Variants in RAI14 observed in about 807,000 individuals in gnomAD.
The protein encoded by RAI14 is ankycorbin.
A neutral mutation model predicts 115.4 loss-of-function variants in RAI14; 45 were observed. That is an observed-to-expected ratio of 0.39 (90% CI 0.31 to 0.50). The LOEUF (loss-of-function observed/expected upper bound fraction) is 0.50, where lower values mean the gene tolerates loss of function less well. Among genes scored for constraint, RAI14 ranks in the 20% least tolerant of loss-of-function variants. The probability of loss-of-function intolerance (pLI) is 0.85; values close to 1 mark genes in which losing one functional copy is unlikely to be tolerated. For missense variants in RAI14, 939 were observed against 1,131.2 expected (o/e 0.83, Z 2.44); for synonymous variants, 371 against 415.4 (o/e 0.89, Z 1.30).
chr5:34,682,982 T>C (rs1744496930), intron 1 of RAI14, among the ~76,000 whole-genome samples: 1 of 152,174 alleles, frequency 6.6e-6, no homozygotes, highest in South Asian at 2.1e-4. Context: ...AGTTTGGGAT[T>C]GAAAATGAGA....
chr5:34,775,236 A>C (rs966741783), intron 3 of RAI14, among the ~76,000 whole-genome samples: 1 of 152,206 alleles, frequency 6.6e-6, no homozygotes, highest in South Asian at 2.1e-4. Flanking sequence ...TGACAAGCAC[A>C]AACAACCAAA....
intron 2 of RAI14, among the ~76,000 whole-genome samples, chr5:34,693,715 C>T (rs990480057): frequency 6.6e-6 from 1 of 152,190 alleles, no homozygotes; most frequent in African/African-American, 2.4e-5. Flanking sequence ...GTGTCGCATG[C>T]TGTCAACCGC....
chr5:34,829,109 G>A (rs1380288553), intron 16 of RAI14, among the ~76,000 whole-genome samples: 7 of 150,342 alleles, frequency 4.7e-5, no homozygotes, highest in African/African-American at 1.2e-4. Flanking sequence ...ATAAGTATAT[G>A]TACATATATA....
intron 2 of RAI14, among the ~76,000 whole-genome samples, chr5:34,699,596 C>T (rs1739780735): frequency 6.6e-6 from 1 of 152,108 alleles, no homozygotes; most frequent in Admixed American, 6.5e-5. Flanking sequence ...AGCTGCAGTC[C>T]CCCTATTTCT....
At chr5:34,711,495 CT>C (rs1191857373) in intron 2 of RAI14, among the ~76,000 whole-genome samples, 1 of 152,172 alleles carries the variant, frequency 6.6e-6, no homozygotes, top group Non-Finnish European at 1.5e-5. Flanking sequence ...ATTTTTACTT[CT>C]TTTGTGGATC....
chr5:34,811,743 T>C (rs1323064685), intron 8 of RAI14, 24 bp from the exon 9 acceptor site: 3 of 1,587,582 alleles, frequency 1.9e-6, no homozygotes, highest in African/African-American at 1.4e-5. Context: ...TTAGTACTAA[T>C]TTTGTGTCTC....
At chr5:34,668,278 C>G (rs536366050) in intron 1 of RAI14, among the ~76,000 whole-genome samples, 36 of 151,996 alleles carry the variant, frequency 2.4e-4, no homozygotes, top group Non-Finnish European at 4.3e-4. Flanking sequence ...CCTGTGATCC[C>G]AGATTCTCGA....
At chr5:34,698,933 G>A (rs1055095293) in intron 2 of RAI14, among the ~76,000 whole-genome samples, 4 of 152,098 alleles carry the variant, frequency 2.6e-5, no homozygotes, top group Non-Finnish European at 5.9e-5. Flanking sequence ...GAGCAAGCAG[G>A]GAGGGAGCCT....
intron 2 of RAI14, among the ~76,000 whole-genome samples, chr5:34,751,154 AT>A (rs34439436): frequency 0.42 from 54,094 of 127,878 alleles, 11,285 homozygotes; most frequent in African/African-American, 0.6. Context: ...CCCGGCCATA[AT>A]TTTTTTTTTT....
intron 2 of RAI14, among the ~76,000 whole-genome samples, chr5:34,756,557 A>C (rs913281287): frequency 6.6e-6 from 1 of 152,068 alleles, no homozygotes; most frequent in African/African-American, 2.4e-5. Context: ...GATATGCTCA[A>C]CATCTTTCCT....
In RAI14 at chr5:34,822,845, G is replaced by A. The variant is rs190650237; in HGVS notation, c.1114-111G>A. 510 of 977,332 alleles carry A rather than the reference G, an allele frequency of 5.2e-4. 4 individuals are homozygous for A. The African/African-American group carries it at 7.5e-3, about 14-fold the overall frequency. The allele number at this position is 977,332 out of a possible 1,614,324, so 60.5% of individuals were successfully genotyped here. A position where few individuals can be genotyped will look rare whatever the true frequency, so the allele number is the denominator to read the frequency against. ...ATCACAGGCGCCCGCCACCACGCCC[G>A]GCTAATTTTTTGTATTTTTTTTTAG... On this transcript the variant is annotated intron_variant, in intron 14 of 17. Transcript: ENST00000265109.
chr5:34,681,293 G>A (rs1338803926), intron 1 of RAI14, among the ~76,000 whole-genome samples: 1 of 152,166 alleles, frequency 6.6e-6, no homozygotes, highest in Non-Finnish European at 1.5e-5. Flanking sequence ...AGTGAGAAGA[G>A]GTAGATGCTG....
At chr5:34,781,181 T>C (rs173046) in intron 3 of RAI14, among the ~76,000 whole-genome samples, 1 of 135,588 alleles carries the variant, frequency 7.4e-6, no homozygotes, top group East Asian at 2.3e-4. Flanking sequence ...ATGAGAACAC[T>C]TGGACACAGG....
chr5:34,796,121 T>G (rs1753501355), intron 4 of RAI14, 94 bp downstream of exon 4: 3 of 995,346 alleles, frequency 3.0e-6, no homozygotes, highest in Non-Finnish European at 4.7e-6. Flanking sequence ...TAAGGCCAGG[T>G]GTGGTAACTC....
intron 1 of RAI14, among the ~76,000 whole-genome samples, chr5:34,678,036 A>G (rs1413769622): frequency 2.6e-5 from 4 of 152,088 alleles, no homozygotes; most frequent in East Asian, 1.9e-4. Flanking sequence ...GGATCGCTGT[A>G]TGGTAAAACT....
Position 34,689,984 on chromosome 5 carries a change from C to T in RAI14, c.36+3029C>T, listed in dbSNP as rs778755817. Among the ~76,000 whole-genome samples the T allele has an allele frequency of 4.6e-5, 7 of 152,060 alleles. No homozygotes were observed. In the South Asian group the frequency reaches 6.2e-4, roughly 14 times the overall value. On this transcript the variant is annotated intron_variant, in intron 2 of 17. Coordinates refer to ENST00000265109, the MANE Select transcript of RAI14 (RefSeq NM_015577.3). ...TGTTTCTTCCTCCTAATTAGCAACC[C>T]GTAATAAAAAGTAGGATTCAAAAAG...
chr5:34,762,026 G>T (rs540579986), intron 3 of RAI14, among the ~76,000 whole-genome samples: 1 of 152,304 alleles, frequency 6.6e-6, no homozygotes, highest in South Asian at 2.1e-4. Flanking sequence ...GTAGAGTACA[G>T]TAAAGCTCCC....
At chr5:34,751,305 A>G (rs1187725793) in intron 2 of RAI14, among the ~76,000 whole-genome samples, 1 of 147,588 alleles carries the variant, frequency 6.8e-6, no homozygotes, top group African/African-American at 2.5e-5. Context: ...ATGCCTGGCT[A>G]ATTTTTTTGT....
intron 3 of RAI14, among the ~76,000 whole-genome samples, chr5:34,772,328 T>C (rs932546743): frequency 2.0e-5 from 3 of 152,220 alleles, no homozygotes; most frequent in African/African-American, 7.2e-5. Context: ...TCTGGGACTT[T>C]GGGCAAGTTA....
Sources: allele counts gnomAD v4.1 joint callset (sites outside exome capture counted in the v4.1 genomes callset), GRCh38; gene constraint gnomAD v4.1.1; transcripts MANE v1.5; gene names NCBI Gene and HGNC (gene_info 2026-07-23, HGNC 2026-07-21).